The following ENTPD7 variants were observed in gnomAD, a reference collection of about 807,000 sequenced individuals.
ENTPD7 encodes the protein ectonucleoside triphosphate diphosphohydrolase 7, also known as NTPDase 7.
ENTPD7 carries 53 observed loss-of-function variants against 77.9 expected under a neutral mutation model. That is an observed-to-expected ratio of 0.68 (90% CI 0.55 to 0.85). ENTPD7 has a LOEUF of 0.85. Among genes scored for constraint, ENTPD7 ranks in the 40% least tolerant of loss-of-function variants. The pLI, the probability that ENTPD7 is intolerant of heterozygous loss-of-function variation, is 0.00. For synonymous variants in ENTPD7, 248 were observed against 274.9 expected (o/e 0.90, Z 0.97); for missense variants, 636 against 743.7 (o/e 0.86, Z 1.68).
intron 5 of ENTPD7, among the ~76,000 whole-genome samples, chr10:99,685,228 G>A (rs1462209671): frequency 6.6e-6 from 1 of 152,202 alleles, no homozygotes; most frequent in Non-Finnish European, 1.5e-5. Context: ...TTGCACTCCA[G>A]CCTGGGCAAC....
At chr10:99,675,555 G>A (rs961910301) in intron 3 of ENTPD7, among the ~76,000 whole-genome samples, 1 of 147,438 alleles carries the variant, frequency 6.8e-6, no homozygotes, top group African/African-American at 2.5e-5. Flanking sequence ...TCTTTTTTTA[G>A]GGGGGTGGGG....
intron 9 of ENTPD7, chr10:99,698,067 C>T (rs879670594): frequency 1.0e-5 from 2 of 193,990 alleles, no homozygotes; most frequent in African/African-American, 2.4e-5. Context: ...CAGAGGCAGG[C>T]ATGGGCTCCA....
intron 11 of ENTPD7, among the ~76,000 whole-genome samples, chr10:99,701,454 A>G (rs899207357): frequency 2.6e-5 from 4 of 151,484 alleles, no homozygotes; most frequent in Admixed American, 1.3e-4. Context: ...TGCCTGGCCA[A>G]TTTTTGTATT....
At chr10:99,685,250 T>G (rs1564631464) in intron 5 of ENTPD7, among the ~76,000 whole-genome samples, 2 of 152,226 alleles carry the variant, frequency 1.3e-5, no homozygotes, top group Admixed American at 1.3e-4. Flanking sequence ...AGAGTGAAAC[T>G]CCGTCTCAAA....
At position 99,709,988 on chromosome 10, in the gene ENTPD7, C is replaced by G. The variant is rs1049983162; in HGVS notation, c.*5305C>G. 18 of 985,288 alleles carry G rather than the reference C, an allele frequency of 1.8e-5. No individual in the cohort carries two copies. Among genetic ancestry groups the G allele is most frequent in the Non-Finnish European group, 2.2e-5 (18 of 829,932 alleles). 61.0% of individuals were successfully genotyped at this position (985,288 alleles called of 1,614,324 possible). A position where few individuals can be genotyped will look rare whatever the true frequency, so the allele number is the denominator to read the frequency against. Reference sequence around the variant, plus strand: ...TAAAATGTAATCCATCATTGCTTGCCATTTTTATGAAAACCAAAGTTGAAA... The same window carrying G: ...TAAAATGTAATCCATCATTGCTTGCGATTTTTATGAAAACCAAAGTTGAAA... On this transcript the variant is annotated 3_prime_UTR_variant, in exon 13 of 13. Transcript: ENST00000370489.
chr10:99,662,181 A>G (rs1229140815), intron 3 of ENTPD7, among the ~76,000 whole-genome samples: 1 of 151,920 alleles, frequency 6.6e-6, no homozygotes, highest in East Asian at 1.9e-4. Context: ...ATTTAATCTG[A>G]TTATTTAGTA....
At chr10:99,677,884 C>T (rs1300001574) in intron 3 of ENTPD7, among the ~76,000 whole-genome samples, 1 of 152,056 alleles carries the variant, frequency 6.6e-6, no homozygotes, top group Admixed American at 6.6e-5. Flanking sequence ...TATTAACTTG[C>T]CTAAGGTCAC....
chr10:99,704,850 TCTC>T lies in ENTPD7; in HGVS notation c.*168_*170del. 1 of 647,308 alleles carries T rather than the reference TCTC, an allele frequency of 1.5e-6. No homozygotes were observed. The highest frequency in any genetic ancestry group is 2.6e-6 in the Non-Finnish European group (1 of 379,172). The allele number at this position is 647,308 out of a possible 1,614,324, so 40.1% of individuals were successfully genotyped here. A position where few individuals can be genotyped will look rare whatever the true frequency, so the allele number is the denominator to read the frequency against. Reference sequence around the variant, plus strand: ...TAATTCCTTCTCCGTACCCAGGTCTTCTCTGAGAGAAGCTATAATTTAATCTGT... The same window carrying T: ...TAATTCCTTCTCCGTACCCAGGTCTTTGAGAGAAGCTATAATTTAATCTGT... On this transcript the variant is annotated 3_prime_UTR_variant, in exon 13 of 13. Coordinates refer to ENST00000370489, the MANE Select transcript of ENTPD7 (RefSeq NM_020354.5).
At chr10:99,704,324 C>A in intron 12 of ENTPD7, 128 bp from the exon 13 acceptor site, 2 of 888,614 alleles carry the variant, frequency 2.3e-6, no homozygotes, top group Non-Finnish European at 3.5e-6. Context: ...CTCTGTGGAG[C>A]TGGTGTCATA....
Position 99,696,166 on chromosome 10 carries a change from G to A in ENTPD7, c.1010+44G>A, listed in dbSNP as rs370070544. On this transcript the variant is annotated intron_variant, in intron 9 of 12. Transcript: ENST00000370489. ...CTGAGTTTCTGAAATATAATGTCAG[G>A]CTGCAGATATTAGGGAGAAATACTC... 2.6e-4 allele frequency: 412 copies of A among 1,598,880 alleles called. 1 individual carries two copies. Among genetic ancestry groups the A allele is most frequent in the Middle Eastern group, 1.7e-4 (1 of 6,008 alleles).
intron 3 of ENTPD7, among the ~76,000 whole-genome samples, chr10:99,676,712 A>G (rs1359814211): frequency 1.3e-5 from 2 of 152,142 alleles, no homozygotes; most frequent in Non-Finnish European, 2.9e-5. Context: ...TGATTGGTGG[A>G]TTCTAGCCCA....
chr10:99,665,218 A>C (rs1161382614), intron 3 of ENTPD7, among the ~76,000 whole-genome samples: 1 of 150,240 alleles, frequency 6.7e-6, no homozygotes, highest in East Asian at 2.0e-4. Flanking sequence ...ACGCCATTGT[A>C]CTCCAGCCTG....
rs981647382 is a variant in ENTPD7 at position 99,707,113 on chromosome 10, C to T, written c.*2430C>T. 2.6e-5 allele frequency among the ~76,000 whole-genome samples: 4 copies of T among 152,156 alleles called. No individual in the cohort carries two copies. The highest frequency in any genetic ancestry group is 5.9e-5 in the Non-Finnish European group (4 of 68,038). On this transcript the variant is annotated 3_prime_UTR_variant, in exon 13 of 13. Coordinates refer to ENST00000370489, the MANE Select transcript of ENTPD7 (RefSeq NM_020354.5). ...TTTTATAGTTGAGAATCTCAGGATA[C>T]CTACATTTATCACTTTTTCAATATA...
chr10:99,699,376 T>C (rs928845638), intron 10 of ENTPD7, among the ~76,000 whole-genome samples: 1 of 152,218 alleles, frequency 6.6e-6, no homozygotes, highest in Admixed American at 6.5e-5. Flanking sequence ...AGATTTAAAA[T>C]AGAGGAGTAA....
intron 2 of ENTPD7, among the ~76,000 whole-genome samples, chr10:99,660,708 T>A (rs2035472699): frequency 6.6e-6 from 1 of 152,166 alleles, no homozygotes; most frequent in Admixed American, 6.5e-5. Context: ...GCAGATCACC[T>A]GAGGTCAGGA....
At position 99,669,312 on chromosome 10, in the gene ENTPD7, A is replaced by G. The variant is rs556910188; in HGVS notation, c.191+7684A>G. Among the ~76,000 whole-genome samples, 221 of 152,332 alleles carry G rather than the reference A, an allele frequency of 1.5e-3. 1 individual carries two copies. Among genetic ancestry groups the G allele is most frequent in the African/African-American group, 5.2e-3 (216 of 41,596 alleles). On this transcript the variant is annotated intron_variant, in intron 3 of 12. Coordinates refer to ENST00000370489, the MANE Select transcript of ENTPD7 (RefSeq NM_020354.5). ...TTTAAAATATTTTAATTACTTTTGC[A>G]TTGAAAACAGATATTTCAATGTGAA...
intron 8 of ENTPD7, among the ~76,000 whole-genome samples, chr10:99,693,525 TAAAG>T (rs2035917072): frequency 6.6e-6 from 1 of 152,218 alleles, no homozygotes; most frequent in African/African-American, 2.4e-5. Context: ...CTTCAAGTCT[TAAAG>T]AAATGACTTT....
Position 99,661,526 on chromosome 10 carries a change from C to T in ENTPD7, c.89C>T (p.Ala30Val). 9 of 1,613,950 alleles carry T rather than the reference C, an allele frequency of 5.6e-6. No individual in the cohort carries two copies. Among genetic ancestry groups the T allele is most frequent in the Non-Finnish European group, 6.8e-6 (8 of 1,179,938 alleles). ...AGTCCATTTCTCCGTCAGCGGGTGG[C>T]ATTCCTGGGACTCTTCTTCATATCC... ...TVSPFLRQRV[A>V]FLGLFFISCL... Residue 30 changes from alanine to valine, a missense_variant, in exon 3 of 13, where the codon GCA (alanine) becomes GTA (valine). Around this residue, in one of 3 missense-constraint regions of ENTPD7, gnomAD observed 486 missense variants for 556.5 expected, o/e 0.87. Coordinates refer to ENST00000370489, the MANE Select transcript of ENTPD7 (RefSeq NM_020354.5).
rs1590073593 is a variant in ENTPD7 at position 99,710,311 on chromosome 10, A to G, written c.*5628A>G. The G allele has an allele frequency of 2.0e-6, 2 of 985,412 alleles. No individual in the cohort carries two copies. Among genetic ancestry groups the G allele is most frequent in the Non-Finnish European group, 2.4e-6 (2 of 829,922 alleles). 61.0% of individuals were successfully genotyped at this position (985,412 alleles called of 1,614,324 possible). A position where few individuals can be genotyped will look rare whatever the true frequency, so the allele number is the denominator to read the frequency against. ...TTTGGTTTCTAGTGTTTCAGTTACT[A>G]TGTTGTATTTGAAATTCTCATTCCA... On this transcript the variant is annotated 3_prime_UTR_variant, in exon 13 of 13. Coordinates refer to ENST00000370489, the MANE Select transcript of ENTPD7 (RefSeq NM_020354.5).
Sources: allele counts gnomAD v4.1 joint callset (sites outside exome capture counted in the v4.1 genomes callset), GRCh38; gene constraint gnomAD v4.1.1; regional missense constraint gnomAD v4.1.1; transcripts MANE v1.5; gene names NCBI Gene and HGNC (gene_info 2026-07-23, HGNC 2026-07-21).